The following FAM184A variants were observed in gnomAD, a reference collection of about 807,000 sequenced individuals.
FAM184A encodes family with sequence similarity 184 member A, also known as protein FAM184A.
A neutral mutation model predicts 143.8 loss-of-function variants in FAM184A; 99 were observed. The observed-to-expected ratio is 0.69, with a 90% CI of 0.58 to 0.81. The LOEUF is 0.81. Ranked by LOEUF, FAM184A falls within the 40% of genes least tolerant of loss-of-function variation. The pLI, the probability that FAM184A is intolerant of heterozygous loss-of-function variation, is 0.00. For synonymous variants in FAM184A, 427 were observed against 446.4 expected (o/e 0.96, Z 0.55); for missense variants, 1,217 against 1,310.5 (o/e 0.93, Z 1.10).
At chr6:119,128,485 A>G (rs1789433943) in intron 1 of FAM184A, among the ~76,000 whole-genome samples, 1 of 152,132 alleles carries the variant, frequency 6.6e-6, no homozygotes, top group Admixed American at 6.5e-5. Flanking sequence ...GACTCCTTCT[A>G]AGCAGGATGA....
Position 119,024,631 on chromosome 6 carries a change from T to A in FAM184A, c.342A>T (p.Ser114=), listed in dbSNP as rs1785567824. 1.2e-6 allele frequency: 2 copies of A among 1,614,152 alleles called. No homozygotes were observed. ...GCTTCATTTTTATGTGATCTTCTAA[T>A]GATGATTCTAAAACTTGAATCTTTC... The part of the protein sequence containing the change: ...LRRKIQVLES[S]LEDHIKMKQQ... Residue 114 remains serine, a synonymous_variant, in exon 2 of 18, where the codon TCA becomes TCT. Transcript: ENST00000338891.
At chr6:119,136,271 C>T (rs1249161561) in intron 1 of FAM184A, among the ~76,000 whole-genome samples, 9 of 112,554 alleles carry the variant, frequency 8.0e-5, no homozygotes, top group African/African-American at 1.1e-4. Context: ...GGCGACAGAG[C>T]GAGACTCCGT....
intron 7 of FAM184A, chr6:119,005,436 T>C (rs1462336398): frequency 6.6e-6 from 1 of 152,250 alleles, no homozygotes; most frequent in African/African-American, 2.4e-5. Flanking sequence ...TCCTTGTTTA[T>C]ATGCTTTTGA....
chr6:119,006,273 G>T, intron 7 of FAM184A, 174 bp downstream of exon 7: 1 of 754,858 alleles, frequency 1.3e-6, no homozygotes, highest in Non-Finnish European at 2.3e-6. Context: ...AGAGCTATGA[G>T]AGAATAAATT....
chr6:118,985,425 C>T (rs984189460), intron 9 of FAM184A, among the ~76,000 whole-genome samples: 6 of 152,168 alleles, frequency 3.9e-5, no homozygotes, highest in African/African-American at 1.2e-4. Flanking sequence ...AAGATGAGTA[C>T]GCCAAGGGAT....
At chr6:119,117,011 A>G (rs1789078901) in intron 1 of FAM184A, among the ~76,000 whole-genome samples, 1 of 152,246 alleles carries the variant, frequency 6.6e-6, no homozygotes, top group Non-Finnish European at 1.5e-5. Context: ...ACAGGATAGT[A>G]TCTGCATTTT....
intron 9 of FAM184A, among the ~76,000 whole-genome samples, chr6:118,992,257 A>G (rs548913648): frequency 6.6e-6 from 1 of 152,224 alleles, no homozygotes; most frequent in South Asian, 2.1e-4. Context: ...GGTGGAATAA[A>G]TAGGATTAAA....
chr6:119,073,647 GA>G (rs1001160822), intron 1 of FAM184A, among the ~76,000 whole-genome samples: 3 of 152,194 alleles, frequency 2.0e-5, no homozygotes, highest in Non-Finnish European at 2.9e-5. Flanking sequence ...GGGAAGGGTG[GA>G]AGATGCTTGT....
chr6:118,989,889 C>T (rs370279580), intron 9 of FAM184A, among the ~76,000 whole-genome samples: 2 of 151,500 alleles, frequency 1.3e-5, no homozygotes, highest in African/African-American at 4.9e-5. Context: ...AGTGCAGTGG[C>T]GCGATCTCAG....
intron 9 of FAM184A, among the ~76,000 whole-genome samples, chr6:118,997,002 G>C (rs554938658): frequency 2.5e-5 from 2 of 81,124 alleles, no homozygotes; most frequent in Admixed American, 3.0e-4. Flanking sequence ...GGGATTACAG[G>C]CGTGAGCCAC....
At chr6:119,071,773 C>A (rs1213323321) in intron 1 of FAM184A, among the ~76,000 whole-genome samples, 3 of 149,972 alleles carry the variant, frequency 2.0e-5, no homozygotes, top group Non-Finnish European at 4.4e-5. Flanking sequence ...GTTGAGTAAT[C>A]TTCAAATGGC....
intron 1 of FAM184A, among the ~76,000 whole-genome samples, chr6:119,113,051 C>G (rs1267693626): frequency 6.6e-6 from 1 of 152,158 alleles, no homozygotes. Flanking sequence ...AGTCCCCTTG[C>G]TGTTCTCTGG....
chr6:119,146,874 A>T (rs1190264240), intron 1 of FAM184A, among the ~76,000 whole-genome samples: 3 of 150,582 alleles, frequency 2.0e-5, no homozygotes, highest in Non-Finnish European at 4.4e-5. Flanking sequence ...ATTAAAAAGG[A>T]GTGCCTGTAC....
intron 1 of FAM184A, among the ~76,000 whole-genome samples, chr6:119,029,681 G>C (rs1785799120): frequency 1.3e-5 from 2 of 152,126 alleles, no homozygotes; most frequent in East Asian, 3.8e-4. Flanking sequence ...GTTAGAATAG[G>C]ATTTAAGTAA....
chr6:119,126,155 G>T (rs971710923), intron 1 of FAM184A, among the ~76,000 whole-genome samples: 1 of 152,218 alleles, frequency 6.6e-6, no homozygotes, highest in Non-Finnish European at 1.5e-5. Flanking sequence ...TTGTAGGACT[G>T]TGATTGCCAC....
intron 1 of FAM184A, among the ~76,000 whole-genome samples, chr6:119,028,230 T>C (rs1785738045): frequency 6.6e-6 from 1 of 152,216 alleles, no homozygotes; most frequent in Non-Finnish European, 1.5e-5. Context: ...TGCAAAAACC[T>C]TGATGTGTGT....
intron 6 of FAM184A, among the ~76,000 whole-genome samples, chr6:119,008,209 C>A (rs1368815951): frequency 1.3e-5 from 2 of 152,162 alleles, no homozygotes; most frequent in Non-Finnish European, 2.9e-5. Flanking sequence ...GGCATCTACT[C>A]GCCTTCTCTA....
At chr6:119,051,565 GAATA>G (rs1432973386) in intron 1 of FAM184A, among the ~76,000 whole-genome samples, 3 of 152,112 alleles carry the variant, frequency 2.0e-5, no homozygotes, top group South Asian at 4.1e-4. Flanking sequence ...ATGCTTGAGA[GAATA>G]GATACTCCAT....
At chr6:119,021,464 G>T (rs752511662) in intron 3 of FAM184A, among the ~76,000 whole-genome samples, 4 of 152,194 alleles carry the variant, frequency 2.6e-5, no homozygotes, top group Non-Finnish European at 4.4e-5. Flanking sequence ...ATGAACTGCT[G>T]TAATTTACAA....
Sources: gnomAD v4.1 joint callset for allele counts (sites outside exome capture counted in the v4.1 genomes callset) on GRCh38, gnomAD v4.1.1 for gene constraint, MANE v1.5 for transcripts, NCBI Gene and HGNC (gene_info 2026-07-23, HGNC 2026-07-21) for gene names.